Variants in CCDC27 observed in about 807,000 individuals in gnomAD.
The protein encoded by CCDC27 is coiled-coil domain containing 27.
CCDC27 carries 80 observed loss-of-function variants against 80.3 expected under a neutral mutation model. The ratio of observed to expected loss-of-function variants is 1.00; its 90% CI spans 0.83 to 1.20. The LOEUF (loss-of-function observed/expected upper bound fraction) is 1.20. CCDC27 is among the 50% of genes most tolerant of loss of function. The pLI, the probability that CCDC27 is intolerant of heterozygous loss-of-function variation, is 0.00. For synonymous variants in CCDC27, 342 were observed against 334.3 expected, an observed-to-expected ratio of 1.02 and a Z score of -0.25; for missense variants, 815 against 809.4, an observed-to-expected ratio of 1.01 and a Z score of -0.08.
chr1:3,762,649 G>T lies in CCDC27; in HGVS notation c.891G>T (p.Leu297=). The T allele has an allele frequency of 4.5e-6, 7 of 1,550,458 alleles. No individual in the cohort carries two copies. Among genetic ancestry groups the T allele is most frequent in the Non-Finnish European group, 6.1e-6 (7 of 1,146,814 alleles). ...REQLSDASLK[L]GRLSLLKAFS... is the part of the protein sequence containing the mutation. ...AGCTCTCAGACGCTTCGCTGAAGCT[G>T]GGCAGGCTGAGCCTCCTGAAGGCCT... is the stretch of plus-strand genomic sequence containing the variant. Residue 297 remains leucine (L), a synonymous_variant, in exon 6 of 12, where the codon CTG becomes CTT. Transcript: ENST00000294600.
At chr1:3,756,576 T>G (rs905522505) in intron 3 of CCDC27, 157 bp from the exon 4 acceptor site, 7 of 731,916 alleles carry the variant, frequency 9.6e-6, no homozygotes, top group Non-Finnish European at 1.4e-5. Context: ...GTCCTCAAAA[T>G]GAGGGTGACA....
intron 1 of CCDC27, among the ~76,000 whole-genome samples, chr1:3,753,491 T>C (rs1306698478): frequency 6.6e-6 from 1 of 151,914 alleles, no homozygotes; most frequent in African/African-American, 2.4e-5. Flanking sequence ...CGGCTAATTT[T>C]ATTTGTTTGT....
chr1:3,758,028 T>G (rs1337206881), intron 4 of CCDC27, among the ~76,000 whole-genome samples: 1 of 152,144 alleles, frequency 6.6e-6, no homozygotes, highest in African/African-American at 2.4e-5. Flanking sequence ...GTGCTGTGAT[T>G]AGGGGTGTGA....
At chr1:3,771,122 C>T (rs559586432) in intron 11 of CCDC27, among the ~76,000 whole-genome samples, 2 of 152,292 alleles carry the variant, frequency 1.3e-5, no homozygotes, top group South Asian at 2.1e-4. Context: ...CCCCCGGCTC[C>T]GCATTCTGTG....
rs1430518692 is a variant in CCDC27 at position 3,760,956 on chromosome 1, T to A, written c.712-325T>A. On this transcript the variant is annotated intron_variant, in intron 4 of 11. Transcript: ENST00000294600. This position sits in a 1 kb window ranked among gnomAD's most constrained non-coding sequence, Gnocchi z 4.3. The stretch of plus-strand genomic sequence containing the variant: ...AGAAGACTGGTGTCCTGTGGTATAG[T>A]GGGGTGCAGGGACACACCACGGGCC... Among the ~76,000 whole-genome samples, 15 of 152,046 alleles carry A rather than the reference T, an allele frequency of 9.9e-5. No individual in the cohort carries two copies. The highest frequency in any genetic ancestry group is 9.8e-4 in the Admixed American group (15 of 15,262).
At chr1:3,762,889 T>G in intron 6 of CCDC27, 177 bp downstream of exon 6, 1 of 780,760 alleles carries the variant, frequency 1.3e-6, no homozygotes, top group Non-Finnish European at 2.0e-6. Context: ...AAGGCACAGG[T>G]CAGGTGCAGT....
intron 3 of CCDC27, 158 bp downstream of exon 3, chr1:3,755,725 A>G (rs1165227118): frequency 3.1e-6 from 2 of 639,178 alleles, no homozygotes; most frequent in Admixed American, 2.6e-5. Context: ...TCCCTTGTGC[A>G]GAACTAGCCC....
chr1:3,755,669 G>A (rs377290099), intron 3 of CCDC27, 102 bp downstream of exon 3: 40 of 973,712 alleles, frequency 4.1e-5, no homozygotes, highest in Admixed American at 2.7e-4. Context: ...ATTCCCTCCC[G>A]GGACTGTCTG....
chr1:3,763,953 C>A lies in CCDC27; in HGVS notation c.1452+117C>A. 6.9e-7 allele frequency: 1 copy of A among 1,451,938 alleles called. No individual in the cohort carries two copies. Among genetic ancestry groups the A allele is most frequent in the South Asian group, 1.4e-5 (1 of 70,966 alleles). The allele number at this position is 1,451,938 out of a possible 1,614,324, so 89.9% of individuals were successfully genotyped here. A position where few individuals can be genotyped will look rare whatever the true frequency, so the allele number is the denominator to read the frequency against. ...CCATCTACTGATGGAGACTTTGAGC[C>A]TGGGGTGTCCAGGCAGCTGGCCCAG... On this transcript the variant is annotated intron_variant, in intron 8 of 11. Coordinates refer to ENST00000294600, the MANE Select transcript of CCDC27 (RefSeq NM_152492.3). The surrounding 1 kb of genome is among the most constrained non-coding windows in gnomAD (Gnocchi z 7.5).
chr1:3,765,672 T>G (rs944950538), intron 8 of CCDC27, among the ~76,000 whole-genome samples: 3 of 152,214 alleles, frequency 2.0e-5, no homozygotes, highest in Non-Finnish European at 4.4e-5. Flanking sequence ...TTCATCATAC[T>G]GTTAGTTTTC....
At position 3,767,267 on chromosome 1, in the gene CCDC27, G is replaced by A. The variant is rs772894935; in HGVS notation, c.1565G>A (p.Arg522Gln). The A allele has an allele frequency of 7.4e-6, 12 of 1,613,936 alleles. No individual in the cohort carries two copies. The highest frequency in any genetic ancestry group is 4.0e-5 in the African/African-American group (3 of 74,928). Residue 522 changes from arginine to glutamine, a missense_variant, in exon 10 of 12, where the codon CGG (arginine) becomes CAG (glutamine). Coordinates refer to ENST00000294600, the MANE Select transcript of CCDC27 (RefSeq NM_152492.3). ...VSELERKLTKRDCVISELDTK... is the reference protein window; with the variant it reads ...VSELERKLTKQDCVISELDTK... ...GAACTGGAGAGAAAGCTCACCAAGC[G>A]GGACTGTGTCATCTCAGAGTTGGAC... is the stretch of plus-strand genomic sequence containing the variant.
rs536440360 is a variant in CCDC27, at chr1:3,763,070, C to T, written c.955-38C>T. The T allele has an allele frequency of 6.8e-5, 99 of 1,453,908 alleles. No homozygotes were observed. The highest frequency in any genetic ancestry group is 4.9e-4 in the African/African-American group (34 of 69,920). The allele number at this position is 1,453,908 out of a possible 1,614,324, so 90.1% of individuals were successfully genotyped here. A position where few individuals can be genotyped will look rare whatever the true frequency, so the allele number is the denominator to read the frequency against. On this transcript the variant is annotated intron_variant, in intron 6 of 11. Transcript: ENST00000294600. This position sits in a 1 kb window ranked among gnomAD's most constrained non-coding sequence, Gnocchi z 7.5. ...AGAGCCCTCTGCCCTGGGGGTGCCC[C>T]GCAGCCCTGCCCAGCCCCTGCCCTA... is the stretch of plus-strand genomic sequence containing the variant.
At chr1:3,762,168 G>A (rs1449289819) in intron 5 of CCDC27, among the ~76,000 whole-genome samples, 1 of 152,176 alleles carries the variant, frequency 6.6e-6, no homozygotes, top group Non-Finnish European at 1.5e-5. Flanking sequence ...GAACCAGGGG[G>A]AAGGCCCCTG....
intron 8 of CCDC27, among the ~76,000 whole-genome samples, chr1:3,765,671 C>G (rs1643210407): frequency 6.6e-6 from 1 of 152,168 alleles, no homozygotes; most frequent in Non-Finnish European, 1.5e-5. Context: ...GTTCATCATA[C>G]TGTTAGTTTT....
rs532661209 is a variant in CCDC27, at chr1:3,760,358, C to T, written c.712-923C>T. On this transcript the variant is annotated intron_variant, in intron 4 of 11. Coordinates refer to ENST00000294600, the MANE Select transcript of CCDC27 (RefSeq NM_152492.3). The surrounding 1 kb of genome is among the most constrained non-coding windows in gnomAD (Gnocchi z 4.3). The stretch of plus-strand genomic sequence containing the variant: ...CCCCCTTGCTCCTCTCTCCCTCTCT[C>T]CCTTCCTATATCATAAATTTTCACA... 2.0e-5 allele frequency among the ~76,000 whole-genome samples: 3 copies of T among 152,256 alleles called. No individual in the cohort carries two copies. The highest frequency in any genetic ancestry group is 2.1e-4 in the South Asian group (1 of 4,818).
At chr1:3,759,370 G>A (rs1643034791) in intron 4 of CCDC27, among the ~76,000 whole-genome samples, 1 of 152,216 alleles carries the variant, frequency 6.6e-6, no homozygotes, top group East Asian at 1.9e-4. Flanking sequence ...AGTGGTACAA[G>A]GATAATTACT....
chr1:3,770,715 A>G (rs1011881266), intron 11 of CCDC27, among the ~76,000 whole-genome samples: 3 of 151,668 alleles, frequency 2.0e-5, no homozygotes, highest in Admixed American at 1.3e-4. Flanking sequence ...TCCTCTGCAG[A>G]GTGGGGGGCC....
rs1643162268 is a variant in CCDC27, at chr1:3,763,929, C to T, written c.1452+93C>T. Reference sequence around the variant, plus strand: ...AGCTCGGGGCAGGCGCTGCCCGTCCCATCTACTGATGGAGACTTTGAGCCT... The same window carrying T: ...AGCTCGGGGCAGGCGCTGCCCGTCCTATCTACTGATGGAGACTTTGAGCCT... On this transcript the variant is annotated intron_variant, in intron 8 of 11. Coordinates refer to ENST00000294600, the MANE Select transcript of CCDC27 (RefSeq NM_152492.3). This position sits in a 1 kb window ranked among gnomAD's most constrained non-coding sequence, Gnocchi z 7.5. 9 of 1,510,570 alleles carry T rather than the reference C, an allele frequency of 6.0e-6. No individual in the cohort carries two copies. In the South Asian group the frequency reaches 1.1e-4, roughly 19 times the overall value. 93.6% of individuals were successfully genotyped at this position (1,510,570 alleles called of 1,614,324 possible). A position where few individuals can be genotyped will look rare whatever the true frequency, so the allele number is the denominator to read the frequency against.
rs1191881317 is a variant in CCDC27 at position 3,769,598 on chromosome 1, C to T, written c.1744-185C>T. Among the ~76,000 whole-genome samples, 1 of 152,152 alleles carries T rather than the reference C, an allele frequency of 6.6e-6. No individual in the cohort carries two copies. The highest frequency in any genetic ancestry group is 1.5e-5 in the Non-Finnish European group (1 of 68,038). Reference sequence around the variant, plus strand: ...CAGGGTCAGGGGTTGGATCCGGCACCTCCTAGCTCTCAGACAATCCACATT... The same window carrying T: ...CAGGGTCAGGGGTTGGATCCGGCACTTCCTAGCTCTCAGACAATCCACATT... On this transcript the variant is annotated intron_variant, in intron 10 of 11. Transcript: ENST00000294600. The surrounding 1 kb of genome is among the most constrained non-coding windows in gnomAD (Gnocchi z 4.6).
Sources: allele counts gnomAD v4.1 joint callset (sites outside exome capture counted in the v4.1 genomes callset), GRCh38; gene constraint gnomAD v4.1.1; non-coding constraint Gnocchi (gnomAD v3.1); transcripts MANE v1.5; gene names NCBI Gene and HGNC (gene_info 2026-07-23, HGNC 2026-07-21).